The following DCC variants were observed in gnomAD, a reference collection of about 807,000 sequenced individuals.
DCC encodes the protein netrin receptor DCC.
In DCC, 58 loss-of-function variants were observed where a neutral mutation model predicts 172.5. The observed-to-expected ratio is 0.34, with a 90% CI of 0.27 to 0.42. DCC has a LOEUF of 0.42. DCC is among the 10% of genes least tolerant of loss of function. The pLI is 1.00. For synonymous variants in DCC, 709 were observed against 644.5 expected (o/e 1.10, Z -1.52); for missense variants, 1,740 against 1,791.0 (o/e 0.97, Z 0.51).
intron 2 of DCC, among the ~76,000 whole-genome samples, chr18:52,795,798 C>T (rs75051673): frequency 0.043 from 6,548 of 151,890 alleles, 222 homozygotes; most frequent in South Asian, 0.16. Context: ...GTTTTTCGTT[C>T]TTATTTTTTC....
intron 15 of DCC, among the ~76,000 whole-genome samples, chr18:53,379,006 T>G (rs1164739897): frequency 1.3e-5 from 2 of 152,270 alleles, no homozygotes; most frequent in Admixed American, 1.3e-4. Flanking sequence ...CTCAAATATG[T>G]GTTGCTCATC....
Position 52,752,298 on chromosome 18 carries a change from G to A in DCC, c.336G>A (p.Glu112=). ...ATTCCAGACACCACAAGCCAGATGA[G>A]GGACTTTACCAATGTGAGGCATCTT... ...ILHSRHHKPD[E]GLYQCEASLG... The change falls in exon 2 of 29, where the codon GAG becomes GAA. Residue 112 remains glutamate, a synonymous_variant. Transcript: ENST00000442544. The A allele has an allele frequency of 3.7e-6, 6 of 1,614,148 alleles. No homozygotes were observed. The highest frequency in any genetic ancestry group is 1.1e-5 in the South Asian group (1 of 91,078).
At chr18:53,456,075 C>T (rs1026063727) in intron 23 of DCC, among the ~76,000 whole-genome samples, 2 of 152,222 alleles carry the variant, frequency 1.3e-5, no homozygotes, top group Non-Finnish European at 2.9e-5. Context: ...ATAAGACACA[C>T]GGTGATCAAT....
chr18:53,063,538 A>AG (rs914449050), intron 6 of DCC, 79 bp downstream of exon 6: 28 of 1,236,232 alleles, frequency 2.3e-5, no homozygotes, highest in Non-Finnish European at 2.4e-5. Context: ...ATTTCTTGAA[A>AG]AAAAAAAAGG....
At chr18:52,914,823 A>G (rs2040017773) in intron 3 of DCC, among the ~76,000 whole-genome samples, 2 of 152,122 alleles carry the variant, frequency 1.3e-5, no homozygotes, top group Admixed American at 1.3e-4. Context: ...GAGGATGCAG[A>G]CAGAGCAAAC....
intron 1 of DCC, among the ~76,000 whole-genome samples, chr18:52,463,849 C>A (rs1988703666): frequency 6.6e-6 from 1 of 152,178 alleles, no homozygotes; most frequent in African/African-American, 2.4e-5. Flanking sequence ...ATACGTTGAT[C>A]ACCTACATTT....
chr18:53,512,032 G>A (rs1468986426), intron 27 of DCC, among the ~76,000 whole-genome samples: 1 of 152,162 alleles, frequency 6.6e-6, no homozygotes, highest in Non-Finnish European at 1.5e-5. Flanking sequence ...CAAAAAGACA[G>A]CAGTAACCTC....
intron 25 of DCC, among the ~76,000 whole-genome samples, chr18:53,470,364 A>T (rs1349292833): frequency 6.6e-6 from 1 of 152,034 alleles, no homozygotes; most frequent in African/African-American, 2.4e-5. Flanking sequence ...ATATCACTAC[A>T]AGCATTTTGG....
chr18:52,902,841 G>A (rs1348110493), intron 2 of DCC, among the ~76,000 whole-genome samples: 1 of 152,178 alleles, frequency 6.6e-6, no homozygotes, highest in Non-Finnish European at 1.5e-5. Flanking sequence ...AAAAAGAAAA[G>A]ACTATGCATC....
chr18:53,395,623 G>A (rs932971001), intron 17 of DCC, among the ~76,000 whole-genome samples: 19 of 151,920 alleles, frequency 1.3e-4, no homozygotes, highest in African/African-American at 4.4e-4. Context: ...TTTATTTAGG[G>A]CATATATTTT....
chr18:53,179,624 C>T (rs1461260042), intron 9 of DCC, among the ~76,000 whole-genome samples: 1 of 152,142 alleles, frequency 6.6e-6, no homozygotes, highest in Non-Finnish European at 1.5e-5. Context: ...TGGATAATCT[C>T]ACTCCCTCTA....
chr18:53,489,992 C>T (rs1158088229), intron 26 of DCC, among the ~76,000 whole-genome samples: 6 of 152,070 alleles, frequency 3.9e-5, no homozygotes, highest in Non-Finnish European at 8.8e-5. Flanking sequence ...ATTGGTGCCC[C>T]CACTTTCTTG....
At chr18:52,585,344 A>G (rs1026428427) in intron 1 of DCC, among the ~76,000 whole-genome samples, 2 of 152,374 alleles carry the variant, frequency 1.3e-5, no homozygotes, top group Middle Eastern at 3.4e-3. Context: ...ACTTTCAGAT[A>G]TAAATTATCA....
intron 5 of DCC, among the ~76,000 whole-genome samples, chr18:53,014,837 G>A (rs942742645): frequency 1.3e-5 from 2 of 152,044 alleles, no homozygotes; most frequent in South Asian, 2.1e-4. Context: ...ACCAAAATTA[G>A]GCCATCCCAG....
At chr18:53,375,823 C>T (rs1039652479) in intron 15 of DCC, among the ~76,000 whole-genome samples, 4 of 152,060 alleles carry the variant, frequency 2.6e-5, no homozygotes, top group African/African-American at 4.8e-5. Context: ...TGCCAAAGCA[C>T]GGCTTACCAA....
chr18:53,135,686 T>C lies in DCC; in HGVS notation c.1262-21670T>C, dbSNP rs1223993787. Among the ~76,000 whole-genome samples, 4 of 152,312 alleles carry C rather than the reference T, an allele frequency of 2.6e-5. No individual in the cohort carries two copies. The East Asian group carries it at 7.7e-4, about 29-fold the overall frequency. On this transcript the variant is annotated intron_variant, in intron 7 of 28. Coordinates refer to ENST00000442544, the MANE Select transcript of DCC (RefSeq NM_005215.4). ...TCAAACCTCTTGCATTTATTTATGTTATTTTACTTTGCATGAATGGGGGAA... is the reference window on the plus strand; with the variant it reads ...TCAAACCTCTTGCATTTATTTATGTCATTTTACTTTGCATGAATGGGGGAA...
At chr18:53,017,720 C>A (rs1013996503) in intron 5 of DCC, among the ~76,000 whole-genome samples, 1 of 152,118 alleles carries the variant, frequency 6.6e-6, no homozygotes, top group African/African-American at 2.4e-5. Flanking sequence ...AAAATAAAAT[C>A]TAATATAATA....
chr18:53,265,425 T>C (rs963294469), intron 12 of DCC, among the ~76,000 whole-genome samples: 2 of 152,204 alleles, frequency 1.3e-5, no homozygotes, highest in Admixed American at 6.5e-5. Context: ...AAAGAAAACC[T>C]ACAAAATGTG....
intron 1 of DCC, chr18:52,419,746 C>T (rs942770392): frequency 1.3e-5 from 2 of 152,054 alleles, no homozygotes; most frequent in Admixed American, 1.3e-4. Flanking sequence ...TTCACTTGTC[C>T]ACTTATTGTT....
Sources: gnomAD v4.1 joint callset for allele counts (sites outside exome capture counted in the v4.1 genomes callset) on GRCh38, gnomAD v4.1.1 for gene constraint, MANE v1.5 for transcripts, NCBI Gene and HGNC (gene_info 2026-07-23, HGNC 2026-07-21) for gene names.